Variants in FAM178B observed in about 807,000 individuals in gnomAD.
FAM178B encodes family with sequence similarity 178 member B, also known as protein FAM178B.
A neutral mutation model predicts 91.7 loss-of-function variants in FAM178B; 82 were observed. The observed-to-expected ratio is 0.89, with a 90% CI of 0.75 to 1.07. FAM178B has a LOEUF of 1.07. Among genes scored for constraint, FAM178B ranks in the 50% least tolerant of loss-of-function variants. FAM178B has a pLI of 0.00. For synonymous variants in FAM178B, 368 were observed against 359.4 expected, an observed-to-expected ratio of 1.02 and a Z score of -0.27; for missense variants, 769 against 846.7, an observed-to-expected ratio of 0.91 and a Z score of 1.14.
intron 10 of FAM178B, among the ~76,000 whole-genome samples, chr2:96,922,990 A>G (rs1281629897): frequency 6.9e-6 from 1 of 144,302 alleles, no homozygotes; most frequent in Admixed American, 6.9e-5. Flanking sequence ...TTTTTTTGAG[A>G]TGGAGTCTCG....
In FAM178B at chr2:96,968,836, C is replaced by T. The variant is rs2082180016; in HGVS notation, c.627-1209G>A. 2.6e-5 allele frequency among the ~76,000 whole-genome samples: 4 copies of T among 152,316 alleles called. No individual in the cohort carries two copies. The South Asian group carries it at 6.2e-4, about 24-fold the overall frequency. On this transcript the variant is annotated intron_variant, in intron 4 of 16. Coordinates refer to ENST00000490605, the MANE Select transcript of FAM178B (RefSeq NM_001122646.3). ...TTTCTCCCATGACTCAGCCTTGTGT[C>T]CAACAAGGCCCCTCAGGCTCCAGCC...
chr2:96,977,937 A>AGG, intron 1 of FAM178B: 6 of 55,266 alleles, frequency 1.1e-4, no homozygotes, highest in Non-Finnish European at 2.1e-4. Flanking sequence ...TCATCGCTGG[A>AGG]GGGTGGGGCG....
At chr2:96,982,431 T>C (rs2153376571) in intron 1 of FAM178B, among the ~76,000 whole-genome samples, 1 of 151,866 alleles carries the variant, frequency 6.6e-6, no homozygotes, top group South Asian at 2.1e-4. Context: ...CCTGGTTAAT[T>C]TTTGTATTTT....
intron 14 of FAM178B, among the ~76,000 whole-genome samples, chr2:96,883,397 G>A (rs937235241): frequency 4.6e-5 from 7 of 152,320 alleles, no homozygotes; most frequent in South Asian, 2.1e-4. Flanking sequence ...AAAGGAGGAC[G>A]GAGAGGCTCT....
rs1336629761 is a variant in FAM178B at position 96,986,405 on chromosome 2, A to T, written c.-92T>A. On this transcript the variant is annotated 5_prime_UTR_variant, in exon 1 of 17. Coordinates refer to ENST00000490605, the MANE Select transcript of FAM178B (RefSeq NM_001122646.3). ...GGGCCAGCTAGCCGGGAAAGGAAGC[A>T]GGAGCAGGCTCCCCAGGCGGCGCAG... The T allele has an allele frequency of 2.8e-6, 4 of 1,447,864 alleles. No individual in the cohort carries two copies. The African/African-American group carries it at 5.7e-5, about 21-fold the overall frequency. 89.7% of individuals were successfully genotyped at this position (1,447,864 alleles called of 1,614,324 possible).
chr2:96,923,959 A>T (rs934743940), intron 9 of FAM178B, among the ~76,000 whole-genome samples: 3 of 152,212 alleles, frequency 2.0e-5, no homozygotes, highest in African/African-American at 7.2e-5. Context: ...AGAGAGAGGG[A>T]GAGAGAATAT....
chr2:96,932,807 G>A (rs182283199), intron 8 of FAM178B, among the ~76,000 whole-genome samples: 1 of 152,178 alleles, frequency 6.6e-6, no homozygotes, highest in East Asian at 1.9e-4. Flanking sequence ...GGGCATGGTG[G>A]TGGATGCCTG....
intron 6 of FAM178B, among the ~76,000 whole-genome samples, chr2:96,954,752 G>A (rs2081975226): frequency 6.6e-6 from 1 of 152,192 alleles, no homozygotes; most frequent in South Asian, 2.1e-4. Context: ...CTCTTTCTTT[G>A]TTTAAACATA....
intron 6 of FAM178B, among the ~76,000 whole-genome samples, chr2:96,954,693 C>T (rs1257839868): frequency 6.6e-6 from 1 of 152,248 alleles, no homozygotes; most frequent in Non-Finnish European, 1.5e-5. Flanking sequence ...TGCCTAAATA[C>T]AATAGAAACC....
chr2:96,983,095 A>G (rs12717787), intron 1 of FAM178B, among the ~76,000 whole-genome samples: 121,417 of 151,550 alleles, frequency 0.8, 49,899 homozygotes, highest in Non-Finnish European at 0.87. Context: ...TGACCAGGTC[A>G]GCCTTGAACT....
At chr2:96,985,485 G>C (rs1382985655) in intron 1 of FAM178B, among the ~76,000 whole-genome samples, 4 of 152,334 alleles carry the variant, frequency 2.6e-5, no homozygotes. Context: ...CGTCCTCGCA[G>C]TGAGATTTCA....
chr2:96,963,645 G>A (rs1373887058), intron 5 of FAM178B, among the ~76,000 whole-genome samples: 5 of 152,306 alleles, frequency 3.3e-5, no homozygotes, highest in Non-Finnish European at 7.4e-5. Context: ...GGAGGCAGGG[G>A]TCCTTCTAAT....
intron 15 of FAM178B, 61 bp downstream of exon 15, chr2:96,878,355 G>A (rs992239231): frequency 3.5e-5 from 53 of 1,504,472 alleles, no homozygotes; most frequent in Non-Finnish European, 3.9e-5. Flanking sequence ...AACCCCCGCC[G>A]CTTGGGGGAG....
chr2:96,954,626 T>C (rs985236795), intron 6 of FAM178B, among the ~76,000 whole-genome samples: 4 of 152,264 alleles, frequency 2.6e-5, no homozygotes, highest in Non-Finnish European at 5.9e-5. Context: ...AGTGTAGTTA[T>C]TTATACGTAT....
At chr2:96,941,526 G>A (rs1242760870) in intron 8 of FAM178B, among the ~76,000 whole-genome samples, 1 of 152,212 alleles carries the variant, frequency 6.6e-6, no homozygotes, top group African/African-American at 2.4e-5. Flanking sequence ...AGAGCTCGAG[G>A]AGAACAAAGG....
At chr2:96,935,848 C>T (rs963378365) in intron 8 of FAM178B, among the ~76,000 whole-genome samples, 1 of 151,344 alleles carries the variant, frequency 6.6e-6, no homozygotes, top group African/African-American at 2.4e-5. Flanking sequence ...GTTGTCCAGG[C>T]TGGTCTCGAA....
In FAM178B at chr2:96,972,583, T is replaced by C. The variant is rs1338868748; in HGVS notation, c.97A>G (p.Met33Val). 1 of 1,551,640 alleles carries C rather than the reference T, an allele frequency of 6.4e-7. No homozygotes were observed. The highest frequency in any genetic ancestry group is 8.7e-7 in the Non-Finnish European group (1 of 1,146,990). Residue 33 changes from methionine to valine, a missense_variant, in exon 2 of 17, where the codon ATG becomes GTG. Physicochemically the swap from Met to Val is conservative, Grantham distance 21. Transcript: ENST00000490605. ...AGCACCGTCTCCTGGGGCCCAGCCA[T>C]CTGCAAGCCGTGGGACATCTGTCCT... ...FTGQMSHGLQ[M>V]AGPQETVLAL...
chr2:96,970,377 C>T (rs1367354187), intron 4 of FAM178B, among the ~76,000 whole-genome samples: 1 of 152,218 alleles, frequency 6.6e-6, no homozygotes. Flanking sequence ...CAGGCTGTAA[C>T]CCTCAGCCAC....
chr2:96,967,605 G>T lies in FAM178B; in HGVS notation c.649C>A (p.Arg217=). 6.5e-7 allele frequency: 1 copy of T among 1,549,774 alleles called. No individual in the cohort carries two copies. The highest frequency in any genetic ancestry group is 1.2e-5 in the South Asian group (1 of 84,048). Residue 217 remains arginine, a synonymous_variant, in exon 5 of 17, where the codon CGA becomes AGA. Transcript: ENST00000490605. The stretch of plus-strand genomic sequence containing the variant: ...CACTCCTGCAGAAGCAGCCTCTCTC[G>T]CTCCTGCTCCAGGGCCTGTTCCCTA... ...EKREQALEQE[R]ERLLLQECLN...
Sources: allele counts gnomAD v4.1 joint callset (sites outside exome capture counted in the v4.1 genomes callset), GRCh38; gene constraint gnomAD v4.1.1; transcripts MANE v1.5; gene names NCBI Gene and HGNC (gene_info 2026-07-23, HGNC 2026-07-21).